Variants in MAPK10 observed in about 807,000 individuals in gnomAD.
MAPK10 encodes mitogen-activated protein kinase 10.
MAPK10 carries 25 observed loss-of-function variants against 59.3 expected under a neutral mutation model. The ratio of observed to expected loss-of-function variants is 0.42; its 90% CI spans 0.31 to 0.59. The LOEUF is 0.59. Among genes scored for constraint, MAPK10 ranks in the 20% least tolerant of loss-of-function variants. MAPK10 has a pLI of 0.15. For synonymous variants in MAPK10, 190 were observed against 200.5 expected, an observed-to-expected ratio of 0.95 and a Z score of 0.44; for missense variants, 351 against 568.9, an observed-to-expected ratio of 0.62 and a Z score of 3.90.
intron 2 of MAPK10, among the ~76,000 whole-genome samples, chr4:86,241,456 T>C (rs1166762244): frequency 6.6e-6 from 1 of 152,170 alleles, no homozygotes; most frequent in Non-Finnish European, 1.5e-5. Flanking sequence ...CGTCTCCTTC[T>C]TGTACTCCAA....
chr4:86,515,778 T>A (rs1204743830), intron 1 of MAPK10, among the ~76,000 whole-genome samples: 1 of 152,220 alleles, frequency 6.6e-6, no homozygotes, highest in African/African-American at 2.4e-5. Flanking sequence ...TTTCTCCTAC[T>A]CTGCGGGTTG....
upstream of MAPK10, chr4:86,360,184 C>T (rs17011821): frequency 4.1e-6 from 4 of 985,744 alleles, no homozygotes; most frequent in Non-Finnish European, 4.8e-6. Context: ...AAAGAGGAAG[C>T]GTCTATGTGC....
chr4:86,183,926 C>T (rs993513153), intron 3 of MAPK10, among the ~76,000 whole-genome samples: 9 of 152,186 alleles, frequency 5.9e-5, no homozygotes, highest in African/African-American at 1.9e-4. Context: ...CTTTTGGCTG[C>T]ATAAATGTCT....
intron 3 of MAPK10, among the ~76,000 whole-genome samples, chr4:86,165,452 G>A (rs1388105806): frequency 6.7e-6 from 1 of 149,216 alleles, no homozygotes; most frequent in Non-Finnish European, 1.5e-5. Flanking sequence ...ATCATGGTTT[G>A]CTGCAGCCTT....
chr4:86,235,893 T>C (rs1370800792), intron 2 of MAPK10, among the ~76,000 whole-genome samples: 1 of 152,176 alleles, frequency 6.6e-6, no homozygotes, highest in African/African-American at 2.4e-5. Context: ...TCAAACAATA[T>C]AAATGGATTA....
Position 86,281,954 on chromosome 4 carries a change from A to T in MAPK10, c.-7+72576T>A, listed in dbSNP as rs140539728. Among the ~76,000 whole-genome samples, 540 of 152,314 alleles carry T rather than the reference A, an allele frequency of 3.5e-3. 5 individuals carry two copies. Among genetic ancestry groups the T allele is most frequent in the African/African-American group, 0.012 (515 of 41,590 alleles). On this transcript the variant is annotated intron_variant, in intron 2 of 13. Transcript: ENST00000641462. Reference sequence around the variant, plus strand: ...AACTTTTAATGGATGACTTTTAATAAGACTTTTATATTAGATAAAGGCCAT... The same window carrying T: ...AACTTTTAATGGATGACTTTTAATATGACTTTTATATTAGATAAAGGCCAT...
chr4:86,542,865 T>TTC (rs1382762755), intron 1 of MAPK10, among the ~76,000 whole-genome samples: 2 of 152,182 alleles, frequency 1.3e-5, no homozygotes, highest in African/African-American at 4.8e-5. Context: ...GAAGGGACAC[T>TTC]TCACAACCTA....
In MAPK10 at chr4:86,254,840, A is replaced by T. The variant is rs2093632278; in HGVS notation, c.-6-60433T>A. ...TCTTTGTAGGTCACTCAGGACTTAG[A>T]ACATCTTTTTTTAAAGGCTTATAAA... is the stretch of plus-strand genomic sequence containing the variant. On this transcript the variant is annotated intron_variant, in intron 2 of 13. Coordinates refer to ENST00000641462, the MANE Select transcript of MAPK10 (RefSeq NM_138982.4). Among the ~76,000 whole-genome samples, 6 of 152,126 alleles carry T rather than the reference A, an allele frequency of 3.9e-5. No homozygotes were observed. In the South Asian group the frequency reaches 1.2e-3, roughly 32 times the overall value.
intron 2 of MAPK10, among the ~76,000 whole-genome samples, chr4:86,245,542 CA>C (rs1231789412): frequency 5.9e-5 from 9 of 151,996 alleles, no homozygotes; most frequent in Non-Finnish European, 1.2e-4. Flanking sequence ...CTATATTGCC[CA>C]GGCTGGTCTC....
At chr4:86,098,421 C>A in intron 9 of MAPK10, 103 bp downstream of exon 9, 1 of 1,549,246 alleles carries the variant, frequency 6.5e-7, no homozygotes, top group Non-Finnish European at 8.8e-7. Context: ...CACCACTTAC[C>A]CAACTTTTTG....
At chr4:86,360,648 G>C (rs1352392239), upstream of MAPK10, among the ~76,000 whole-genome samples, 2 of 151,992 alleles carry the variant, frequency 1.3e-5, no homozygotes, top group African/African-American at 4.8e-5. Flanking sequence ...TGATTAATTT[G>C]AGTTAACACA....
At chr4:86,446,924 T>C (rs964457035) in intron 1 of MAPK10, among the ~76,000 whole-genome samples, 1 of 152,202 alleles carries the variant, frequency 6.6e-6, no homozygotes, top group African/African-American at 2.4e-5. Context: ...GAGTCCTTCA[T>C]ATATTCTAAA....
In MAPK10 at chr4:86,375,713, T is replaced by TAAAAAAAAAAAAAAA. The variant is rs56189009; in HGVS notation, c.-121-21084_-121-21070dup. On this transcript the variant is annotated intron_variant, in intron 1 of 13. Coordinates refer to the MAPK10 transcript ENST00000361569. ...TAGGGTGACAGAGCAAGGTCCACTC[T>TAAAAAAAAAAAAAAA]AAAAAAAAAAAAAAAAAAAAAAAAA... Among the ~76,000 whole-genome samples, 2 of 33,322 alleles carry TAAAAAAAAAAAAAAA rather than the reference T, an allele frequency of 6.0e-5. 1 individual carries two copies. Among genetic ancestry groups the TAAAAAAAAAAAAAAA allele is most frequent in the Non-Finnish European group, 9.8e-5 (2 of 20,376 alleles). The allele number at this position is 33,322 out of a possible 152,430, so 21.9% of individuals were successfully genotyped here.
At chr4:86,541,958 C>CACAT (rs1248042618) in intron 1 of MAPK10, among the ~76,000 whole-genome samples, 1 of 130,134 alleles carries the variant, frequency 7.7e-6, no homozygotes, top group Non-Finnish European at 1.7e-5. Flanking sequence ...CACACACACA[C>CACAT]ACACACACAC....
At chr4:86,076,175 C>T (rs1038678041) in intron 9 of MAPK10, among the ~76,000 whole-genome samples, 1 of 152,162 alleles carries the variant, frequency 6.6e-6, no homozygotes, top group African/African-American at 2.4e-5. Context: ...GTCTGTCACC[C>T]GTTTCTTTGA....
chr4:86,450,464 T>G (rs1444694453), intron 1 of MAPK10, among the ~76,000 whole-genome samples: 1 of 152,194 alleles, frequency 6.6e-6, no homozygotes, highest in Non-Finnish European at 1.5e-5. Context: ...AAGAGTCTAT[T>G]TGAAAACAGA....
At chr4:86,022,019 T>A (rs967348716) in intron 13 of MAPK10, among the ~76,000 whole-genome samples, 2 of 151,928 alleles carry the variant, frequency 1.3e-5, no homozygotes, top group South Asian at 2.1e-4. Context: ...GCTGAGGGAG[T>A]GGGCTCCAGC....
intron 1 of MAPK10, among the ~76,000 whole-genome samples, chr4:86,482,328 G>C (rs539109296): frequency 7.2e-5 from 11 of 152,228 alleles, no homozygotes; most frequent in Non-Finnish European, 1.3e-4. Context: ...CAAAAACTTA[G>C]TGTTACTGGA....
intron 1 of MAPK10, among the ~76,000 whole-genome samples, chr4:86,500,294 C>A (rs144210613): frequency 6.6e-6 from 1 of 152,114 alleles, no homozygotes; most frequent in Non-Finnish European, 1.5e-5. Flanking sequence ...TATTTGAAAT[C>A]GGGTTGTGCT....
Sources: allele counts gnomAD v4.1 joint callset (sites outside exome capture counted in the v4.1 genomes callset), GRCh38; gene constraint gnomAD v4.1.1; transcripts MANE v1.5; gene names NCBI Gene and HGNC (gene_info 2026-07-23, HGNC 2026-07-21).